Variants in IQCH observed in about 807,000 individuals in gnomAD.
The protein encoded by IQCH is IQ motif containing H.
Under a neutral mutation model 117.0 loss-of-function variants are expected in IQCH, and 98 were observed. The observed-to-expected ratio is 0.84, with a 90% CI of 0.71 to 0.99. The LOEUF (loss-of-function observed/expected upper bound fraction) is 0.99. IQCH is among the 50% of genes least tolerant of loss of function. IQCH has a pLI of 0.00. For missense variants in IQCH, 1,102 were observed against 1,243.8 expected (o/e 0.89, Z 1.72); for synonymous variants, 412 against 448.2 (o/e 0.92, Z 1.02).
In IQCH at chr15:67,475,242, C is replaced by T. The variant is rs1231301601; in HGVS notation, c.2677-454C>T. ...CGGTAATTCCAGCATTTTGGGAGGC[C>T]GAGGCTGGCAGATCGCTTGAGCTAG... On this transcript the variant is annotated intron_variant, in intron 17 of 20. Coordinates refer to ENST00000335894, the MANE Select transcript of IQCH (RefSeq NM_001031715.3). This position sits in a 1 kb window ranked among gnomAD's most constrained non-coding sequence, Gnocchi z 5.7. Among the ~76,000 whole-genome samples the T allele has an allele frequency of 6.6e-6, 1 of 151,930 alleles. No individual in the cohort carries two copies. Among genetic ancestry groups the T allele is most frequent in the African/African-American group, 2.4e-5 (1 of 41,350 alleles).
At chr15:67,400,024 C>T in intron 13 of IQCH, 90 bp from the exon 14 acceptor site, 3 of 955,900 alleles carry the variant, frequency 3.1e-6, no homozygotes, top group Non-Finnish European at 4.9e-6. Context: ...AGTAAAGACA[C>T]ATGAGAAGTA....
chr15:67,376,083 G>A lies in IQCH; in HGVS notation c.1372+2650G>A, dbSNP rs1693221519. On this transcript the variant is annotated intron_variant, in intron 10 of 20. Transcript: ENST00000335894. This position sits in a 1 kb window ranked among gnomAD's most constrained non-coding sequence, Gnocchi z 5.0. ...ATTATAGGTGTGAGCCACCGCATCC[G>A]GCCGTGCTTTGGATTTTATACAAAT... Among the ~76,000 whole-genome samples the A allele has an allele frequency of 6.6e-6, 1 of 152,062 alleles. No homozygotes were observed. The highest frequency in any genetic ancestry group is 2.4e-5 in the African/African-American group (1 of 41,400).
intron 6 of IQCH, among the ~76,000 whole-genome samples, chr15:67,354,689 A>G (rs1030770576): frequency 2.6e-5 from 4 of 152,222 alleles, no homozygotes; most frequent in African/African-American, 9.6e-5. Flanking sequence ...GCATGTGACT[A>G]TAAATATCAG....
chr15:67,325,599 A>G (rs1968370512), intron 4 of IQCH, among the ~76,000 whole-genome samples: 1 of 152,130 alleles, frequency 6.6e-6, no homozygotes, highest in African/African-American at 2.4e-5. Flanking sequence ...AAGTGTCTGC[A>G]AGTACATTAT....
intron 17 of IQCH, among the ~76,000 whole-genome samples, chr15:67,470,082 C>T (rs1247510851): frequency 6.6e-6 from 1 of 152,232 alleles, no homozygotes; most frequent in Non-Finnish European, 1.5e-5. Context: ...ATTGGCTTCT[C>T]GTCTGCTCTG....
intron 12 of IQCH, 131 bp downstream of exon 12, chr15:67,389,137 C>A: frequency 1.4e-6 from 1 of 691,210 alleles, no homozygotes; most frequent in Non-Finnish European, 2.4e-6. Flanking sequence ...ACTGATTAGA[C>A]TACTAGTTGG....
intron 18 of IQCH, among the ~76,000 whole-genome samples, chr15:67,486,436 A>G (rs1305250987): frequency 2.6e-5 from 4 of 152,118 alleles, no homozygotes; most frequent in Non-Finnish European, 5.9e-5. Flanking sequence ...TATTCCTAGC[A>G]GGAAAAAAAA....
At position 67,453,683 on chromosome 15, in the gene IQCH, T is replaced by G. The variant is rs574272105; in HGVS notation, c.2506-11444T>G. Reference sequence around the variant, plus strand: ...GCTACTCAGGGGTCAGGGACCCACTTGAGGAGGCAGTCTGCCCGTTCTCAG... The same window carrying G: ...GCTACTCAGGGGTCAGGGACCCACTGGAGGAGGCAGTCTGCCCGTTCTCAG... On this transcript the variant is annotated intron_variant, in intron 16 of 20. Coordinates refer to ENST00000335894, the MANE Select transcript of IQCH (RefSeq NM_001031715.3). The surrounding 1 kb of genome is among the most constrained non-coding windows in gnomAD (Gnocchi z 5.8). 6.0e-4 allele frequency among the ~76,000 whole-genome samples: 91 copies of G among 152,292 alleles called. 1 individual carries two copies. Among genetic ancestry groups the G allele is most frequent in the African/African-American group, 2.0e-3 (84 of 41,576 alleles).
At position 67,342,060 on chromosome 15, in the gene IQCH, C is replaced by T. The variant is rs373422769; in HGVS notation, c.509-2003C>T. On this transcript the variant is annotated intron_variant, in intron 5 of 20. Coordinates refer to ENST00000335894, the MANE Select transcript of IQCH (RefSeq NM_001031715.3). This position sits in a 1 kb window ranked among gnomAD's most constrained non-coding sequence, Gnocchi z 4.7. ...CCAAGGCAGGAAGATTGCTTGAAACCGGGAGTTCAAGACTAGCCTGGACAA... is the reference window on the plus strand; with the variant it reads ...CCAAGGCAGGAAGATTGCTTGAAACTGGGAGTTCAAGACTAGCCTGGACAA... 1.5e-4 allele frequency among the ~76,000 whole-genome samples: 23 copies of T among 151,898 alleles called. No homozygotes were observed. Among genetic ancestry groups the T allele is most frequent in the African/African-American group, 4.3e-4 (18 of 41,418 alleles).
rs1876304255 is a variant in IQCH at position 67,479,869 on chromosome 15, A to AG, written c.2799+4056dup. ...AAATGATGTTCTTGTCCAAAGTCCCAGGGGGAAAAAAGGGAAATGAGATCA... is the reference window on the plus strand; with the variant it reads ...AAATGATGTTCTTGTCCAAAGTCCCAGGGGGGAAAAAAGGGAAATGAGATCA... On this transcript the variant is annotated intron_variant, in intron 18 of 20. Coordinates refer to ENST00000335894, the MANE Select transcript of IQCH (RefSeq NM_001031715.3). The surrounding 1 kb of genome is among the most constrained non-coding windows in gnomAD (Gnocchi z 4.6). Among the ~76,000 whole-genome samples, 3 of 152,210 alleles carry AG rather than the reference A, an allele frequency of 2.0e-5. No individual in the cohort carries two copies. The South Asian group carries it at 6.2e-4, about 32-fold the overall frequency.
In IQCH at chr15:67,384,584, C is replaced by T. The variant is rs1971045848; in HGVS notation, c.1373-352C>T. Among the ~76,000 whole-genome samples, 1 of 151,942 alleles carries T rather than the reference C, an allele frequency of 6.6e-6. No homozygotes were observed. Among genetic ancestry groups the T allele is most frequent in the Admixed American group, 6.6e-5 (1 of 15,240 alleles). On this transcript the variant is annotated intron_variant, in intron 10 of 20. Coordinates refer to ENST00000335894, the MANE Select transcript of IQCH (RefSeq NM_001031715.3). The surrounding 1 kb of genome is among the most constrained non-coding windows in gnomAD (Gnocchi z 4.3). Reference sequence around the variant, plus strand: ...AGAAGCTCACATTAAGAAGCCAAAACGATATTTTTTTTAACCTGAGCATAA... The same window carrying T: ...AGAAGCTCACATTAAGAAGCCAAAATGATATTTTTTTTAACCTGAGCATAA...
At chr15:67,461,020 A>G (rs1018837313) in intron 16 of IQCH, among the ~76,000 whole-genome samples, 1 of 152,224 alleles carries the variant, frequency 6.6e-6, no homozygotes, top group African/African-American at 2.4e-5. Flanking sequence ...CTAAAGTGGG[A>G]CAAGAGTACC....
chr15:67,298,379 A>T (rs543761591), intron 4 of IQCH, among the ~76,000 whole-genome samples: 1 of 152,208 alleles, frequency 6.6e-6, no homozygotes, highest in East Asian at 1.9e-4. Flanking sequence ...GTGGCTTAAC[A>T]TCACTGATCA....
At position 67,421,505 on chromosome 15, in the gene IQCH, A is replaced by AATGAGAG. The variant is rs1467795683; in HGVS notation, c.2437_2443dup (p.Val815GlufsTer30). The stretch of plus-strand genomic sequence containing the variant: ...GCCTCCAAATTGGAAAAGCCTGCAG[A>AATGAGAG]ATGAGAGATGTGGTTGGTTACTTTT... On this transcript the variant is annotated frameshift_variant, in exon 16 of 21. Transcript: ENST00000335894. LOFTEE classifies it high-confidence loss of function. The AATGAGAG allele has an allele frequency of 6.2e-7, 1 of 1,614,146 alleles. No homozygotes were observed. Among genetic ancestry groups the AATGAGAG allele is most frequent in the East Asian group, 2.2e-5 (1 of 44,874 alleles).
In IQCH at chr15:67,273,201, G is replaced by GCTGGGATTA. The variant is rs536814770; in HGVS notation, c.270-6192_270-6184dup. Among the ~76,000 whole-genome samples the GCTGGGATTA allele has an allele frequency of 8.7e-3, 1,319 of 152,168 alleles. 16 individuals carry two copies. Among genetic ancestry groups the GCTGGGATTA allele is most frequent in the African/African-American group, 0.029 (1,194 of 41,510 alleles). ...TTCTCCTACCTCAGCCTGCTGAGTG[G>GCTGGGATTA]CTGGGATTACAGGCGCCTGCCACCA... On this transcript the variant is annotated intron_variant, in intron 3 of 20. Transcript: ENST00000335894.
chr15:67,418,869 C>T (rs555798963), intron 15 of IQCH, among the ~76,000 whole-genome samples: 5 of 152,006 alleles, frequency 3.3e-5, no homozygotes, highest in Admixed American at 2.0e-4. Flanking sequence ...TGAGCCACTA[C>T]GCCCAGCCTA....
chr15:67,362,077 A>G (rs892354494), intron 8 of IQCH, among the ~76,000 whole-genome samples: 1 of 152,090 alleles, frequency 6.6e-6, no homozygotes, highest in African/African-American at 2.4e-5. Flanking sequence ...AGGAAGAAAG[A>G]GGAAGGAGAA....
chr15:67,468,895 A>G (rs1232930455), intron 17 of IQCH, among the ~76,000 whole-genome samples: 1 of 152,252 alleles, frequency 6.6e-6, no homozygotes, highest in East Asian at 1.9e-4. Flanking sequence ...AACTATGTCA[A>G]CTGAAATGCA....
chr15:67,389,058 T>C, intron 12 of IQCH, 52 bp downstream of exon 12: 5 of 1,461,188 alleles, frequency 3.4e-6, no homozygotes, highest in Middle Eastern at 1.8e-4. Context: ...AAAATTAAAT[T>C]GGAAATTTTA....
Sources: gnomAD v4.1 joint callset for allele counts (sites outside exome capture counted in the v4.1 genomes callset) on GRCh38, gnomAD v4.1.1 for gene constraint, Gnocchi (gnomAD v3.1) non-coding constraint, MANE v1.5 for transcripts, NCBI Gene and HGNC (gene_info 2026-07-23, HGNC 2026-07-21) for gene names.